The following EDARADD variants were observed in gnomAD, a reference collection of about 807,000 sequenced individuals.
The protein encoded by EDARADD is ectodysplasin-A receptor-associated adapter protein.
In EDARADD, 20 loss-of-function variants were observed where a neutral mutation model predicts 25.6. The observed-to-expected ratio is 0.78, with a 90% CI of 0.55 to 1.14. The LOEUF (loss-of-function observed/expected upper bound fraction) is 1.14, where lower values mean the gene tolerates loss of function less well. Among genes scored for constraint, EDARADD ranks in the 50% most tolerant of loss-of-function variants. The pLI, the probability that EDARADD is intolerant of heterozygous loss-of-function variation, is 0.00. For missense variants in EDARADD, 225 were observed against 270.1 expected (o/e 0.83, Z 1.17); for synonymous variants, 86 against 94.4 (o/e 0.91, Z 0.52).
At chr1:236,460,035 G>A (rs1264579917) in intron 4 of EDARADD, among the ~76,000 whole-genome samples, 3 of 152,182 alleles carry the variant, frequency 2.0e-5, no homozygotes, top group South Asian at 4.1e-4. Flanking sequence ...CAATATTTAT[G>A]CATATGTCTT....
chr1:236,452,311 T>A (rs952523626), intron 4 of EDARADD, among the ~76,000 whole-genome samples: 1 of 152,214 alleles, frequency 6.6e-6, no homozygotes, highest in South Asian at 2.1e-4. Flanking sequence ...AGAAATCTCT[T>A]TCTCTTATTG....
chr1:236,448,037 A>G (rs1380836778), intron 4 of EDARADD, among the ~76,000 whole-genome samples: 3 of 151,950 alleles, frequency 2.0e-5, no homozygotes, highest in Non-Finnish European at 2.9e-5. Context: ...GTTTCTCCAT[A>G]TTGGTCAGGC....
chr1:236,376,784 G>A (rs1254961538), intron 3 of EDARADD, among the ~76,000 whole-genome samples: 2 of 152,042 alleles, frequency 1.3e-5, no homozygotes, highest in Non-Finnish European at 2.9e-5. Flanking sequence ...TTTTCCTTCT[G>A]ATATTCTCAT....
At chr1:236,370,525 A>G (rs2102993427) in intron 3 of EDARADD, among the ~76,000 whole-genome samples, 1 of 152,298 alleles carries the variant, frequency 6.6e-6, no homozygotes, top group East Asian at 1.9e-4. Context: ...CTCCCCCAGC[A>G]TTTGGGGAAC....
chr1:236,473,249 G>C (rs1365965531), intron 5 of EDARADD, among the ~76,000 whole-genome samples: 21 of 152,100 alleles, frequency 1.4e-4, no homozygotes, highest in Admixed American at 1.4e-3. Flanking sequence ...ATGGGATTAA[G>C]CCTGGTAGGG....
chr1:236,465,760 A>G (rs1659169894), intron 4 of EDARADD, among the ~76,000 whole-genome samples: 1 of 152,220 alleles, frequency 6.6e-6, no homozygotes, highest in South Asian at 2.1e-4. Context: ...GAATAAAGGC[A>G]TGTGTATGCT....
chr1:236,399,714 GAAAC>G (rs1225109684), intron 1 of EDARADD, among the ~76,000 whole-genome samples: 5 of 152,242 alleles, frequency 3.3e-5, no homozygotes, highest in Non-Finnish European at 1.5e-5. Flanking sequence ...TTTACAGACA[GAAAC>G]AAACAACCGG....
chr1:236,378,163 C>T (rs1375693384), intron 3 of EDARADD, among the ~76,000 whole-genome samples: 1 of 152,156 alleles, frequency 6.6e-6, no homozygotes, highest in African/African-American at 2.4e-5. Flanking sequence ...TATTTTCCTT[C>T]CTCCAGGCCA....
chr1:236,366,249 A>G (rs1193381787), intron 3 of EDARADD, among the ~76,000 whole-genome samples: 1 of 152,100 alleles, frequency 6.6e-6, no homozygotes, highest in Non-Finnish European at 1.5e-5. Context: ...GCTTTTTGAA[A>G]ACAGTTGGAT....
Position 236,484,360 on chromosome 1 carries a change from G to T in EDARADD, c.*1711G>T. On this transcript the variant is annotated 3_prime_UTR_variant, in exon 6 of 6. Transcript: ENST00000334232. This position sits in a 1 kb window ranked among gnomAD's most constrained non-coding sequence, Gnocchi z 4.1. ...GGGCAGCTCAAGACTGGTGCCCCTT[G>T]CTGATCTGAGCGCTTGGCCAAGTAC... 6.5e-7 allele frequency: 1 copy of T among 1,533,658 alleles called. No homozygotes were observed. The highest frequency in any genetic ancestry group is 9.0e-7 in the Non-Finnish European group (1 of 1,107,428).
intron 3 of EDARADD, among the ~76,000 whole-genome samples, chr1:236,417,713 T>C (rs1284773261): frequency 6.6e-6 from 1 of 152,002 alleles, no homozygotes; most frequent in African/African-American, 2.4e-5. Context: ...TTGATTGTTC[T>C]GAAGAAAATG....
chr1:236,385,960 C>T lies in EDARADD; in HGVS notation c.-5-23256C>T, dbSNP rs1344357336. Reference sequence around the variant, plus strand: ...TCTCCTTTCCCTCTCCCCACGGTCTCCCTCTCATGCGGAGCCAAAGCTGGA... The same window carrying T: ...TCTCCTTTCCCTCTCCCCACGGTCTTCCTCTCATGCGGAGCCAAAGCTGGA... On this transcript the variant is annotated intron_variant, in intron 3 of 7. Transcript: ENST00000439430. Among the ~76,000 whole-genome samples the T allele has an allele frequency of 8.3e-5, 2 of 24,024 alleles. 1 individual carries two copies. The highest frequency in any genetic ancestry group is 1.8e-4 in the Non-Finnish European group (2 of 11,224). 15.8% of individuals were successfully genotyped at this position (24,024 alleles called of 152,430 possible). A position where few individuals can be genotyped will look rare whatever the true frequency, so the allele number is the denominator to read the frequency against.
intron 1 of EDARADD, 42 bp downstream of exon 1, chr1:236,394,547 A>G: frequency 1.3e-6 from 2 of 1,588,448 alleles, no homozygotes; most frequent in Non-Finnish European, 1.7e-6. Flanking sequence ...CTCAGAGCTG[A>G]GTTTTTAGCC....
At chr1:236,384,429 G>A (rs1192089858) in intron 3 of EDARADD, among the ~76,000 whole-genome samples, 1 of 152,150 alleles carries the variant, frequency 6.6e-6, no homozygotes, top group Non-Finnish European at 1.5e-5. Context: ...AAAAGATGGG[G>A]TCTTGCTCTG....
chr1:236,417,331 A>G (rs1383923774), intron 3 of EDARADD, among the ~76,000 whole-genome samples: 2 of 152,196 alleles, frequency 1.3e-5, no homozygotes. Context: ...GTTTCACAAA[A>G]TCTCTTACAT....
At chr1:236,442,058 AC>A (rs777619348) in intron 4 of EDARADD, among the ~76,000 whole-genome samples, 33 of 152,190 alleles carry the variant, frequency 2.2e-4, no homozygotes, top group Non-Finnish European at 2.8e-4. Flanking sequence ...GCTATACTAA[AC>A]AACAGATTTC....
At chr1:236,468,370 T>G in intron 5 of EDARADD, 94 bp downstream of exon 5, 2 of 1,364,620 alleles carry the variant, frequency 1.5e-6, no homozygotes, top group South Asian at 2.3e-5. Context: ...ATGCCTGTAA[T>G]TCCAGCACTT....
At chr1:236,355,001 C>G (rs1186755473) in intron 3 of EDARADD, among the ~76,000 whole-genome samples, 2 of 152,160 alleles carry the variant, frequency 1.3e-5, no homozygotes, top group African/African-American at 4.8e-5. Flanking sequence ...ACCATCCTGC[C>G]CTTTCCCTCT....
chr1:236,363,560 G>C (rs1206388369), intron 3 of EDARADD, among the ~76,000 whole-genome samples: 1 of 150,072 alleles, frequency 6.7e-6, no homozygotes, highest in Non-Finnish European at 1.5e-5. Flanking sequence ...CTACACAAAT[G>C]ATTTATATTT....
Sources: gnomAD v4.1 joint callset for allele counts (sites outside exome capture counted in the v4.1 genomes callset) on GRCh38, gnomAD v4.1.1 for gene constraint, Gnocchi (gnomAD v3.1) non-coding constraint, MANE v1.5 for transcripts, NCBI Gene and HGNC (gene_info 2026-07-23, HGNC 2026-07-21) for gene names.